RASGEF1B: variants seen among roughly 807,000 people sequenced by gnomAD.
RASGEF1B encodes the protein ras-GEF domain-containing family member 1B.
Under a neutral mutation model 65.7 loss-of-function variants are expected in RASGEF1B, and 30 were observed. The ratio of observed to expected loss-of-function variants is 0.46; its 90% CI spans 0.34 to 0.62. RASGEF1B has a LOEUF of 0.62. RASGEF1B is among the 20% of genes least tolerant of loss of function. The probability of loss-of-function intolerance (pLI) is 0.01; values close to 1 mark genes in which losing one functional copy is unlikely to be tolerated. For synonymous variants in RASGEF1B, 175 were observed against 194.8 expected (o/e 0.90, Z 0.85); for missense variants, 495 against 580.1 (o/e 0.85, Z 1.51).
rs777028980 is a variant in RASGEF1B, at chr4:81,442,284, C to G, written c.1008+13G>C. ...AAAGTGTTACTTAACAGCAAAACAT[C>G]AGCTTCACATACCTCAAGAATGTCA... is the stretch of plus-strand genomic sequence containing the variant. On this transcript the variant is annotated intron_variant, in intron 9 of 13. Transcript: ENST00000264400. 1 of 1,586,568 alleles carries G rather than the reference C, an allele frequency of 6.3e-7. No individual in the cohort carries two copies. Among genetic ancestry groups the G allele is most frequent in the Non-Finnish European group, 8.7e-7 (1 of 1,155,074 alleles).
Position 81,427,695 on chromosome 4 carries a change from C to T in RASGEF1B, c.*73G>A. ...TCATGAGTGTTCGTGGTACGAGATGCCAGAAAACAAAGGCCAGCCCCTCCA... is the reference window on the plus strand; with the variant it reads ...TCATGAGTGTTCGTGGTACGAGATGTCAGAAAACAAAGGCCAGCCCCTCCA... On this transcript the variant is annotated 3_prime_UTR_variant, in exon 14 of 14. Coordinates refer to ENST00000264400, the MANE Select transcript of RASGEF1B (RefSeq NM_152545.3). The T allele has an allele frequency of 6.3e-7, 1 of 1,579,642 alleles. No individual in the cohort carries two copies. The highest frequency in any genetic ancestry group is 1.1e-5 in the South Asian group (1 of 89,560).
chr4:81,436,341 G>A (rs1432470601), intron 10 of RASGEF1B, among the ~76,000 whole-genome samples: 1 of 152,136 alleles, frequency 6.6e-6, no homozygotes, highest in Non-Finnish European at 1.5e-5. Context: ...TGCATAATAT[G>A]TTTTGAGACA....
At chr4:81,466,774 G>A (rs199882491) in intron 1 of RASGEF1B, among the ~76,000 whole-genome samples, 21 of 72,412 alleles carry the variant, frequency 2.9e-4, no homozygotes, top group African/African-American at 1.1e-3. Context: ...AAAAAAAAAA[G>A]AAAGAAAGAA....
intron 4 of RASGEF1B, chr4:81,452,928 A>C (rs1722315215): frequency 6.6e-6 from 1 of 151,952 alleles, no homozygotes; most frequent in African/African-American, 2.4e-5. Context: ...ATTATGTAGA[A>C]CTGTCCTGGT....
chr4:81,448,740 T>G (rs1722137936), intron 4 of RASGEF1B, among the ~76,000 whole-genome samples: 1 of 152,194 alleles, frequency 6.6e-6, no homozygotes, highest in South Asian at 2.1e-4. Context: ...CCTATCAATC[T>G]CATCAGTCTG....
intron 1 of RASGEF1B, among the ~76,000 whole-genome samples, chr4:81,469,104 G>A (rs1165050237): frequency 6.6e-6 from 1 of 152,102 alleles, no homozygotes; most frequent in Non-Finnish European, 1.5e-5. Context: ...TGAGGGGGGT[G>A]GGCTGGCAAT....
chr4:81,445,164 T>A (rs559549654), intron 8 of RASGEF1B, among the ~76,000 whole-genome samples: 68 of 152,332 alleles, frequency 4.5e-4, no homozygotes, highest in African/African-American at 1.6e-3. Flanking sequence ...TAGGCCACTC[T>A]CTTGTCCAAG....
chr4:81,436,601 G>A (rs1339039576), intron 10 of RASGEF1B, among the ~76,000 whole-genome samples: 3 of 152,102 alleles, frequency 2.0e-5, no homozygotes, highest in South Asian at 2.1e-4. Context: ...TATTTTTAAA[G>A]ATCCTAAATT....
chr4:81,427,897 G>A (rs1049170492), intron 13 of RASGEF1B, 105 bp from the exon 14 acceptor site: 1 of 1,184,470 alleles, frequency 8.4e-7, no homozygotes, highest in Non-Finnish European at 1.2e-6. Flanking sequence ...TGTGTTTTAA[G>A]TTTGATTTTA....
Position 81,457,551 on chromosome 4 carries a change from A to G in RASGEF1B, c.248T>C (p.Val83Ala). Residue 83 changes from valine to alanine, a missense_variant, in exon 3 of 14, where the codon GTT becomes GCT. Coordinates refer to ENST00000264400, the MANE Select transcript of RASGEF1B (RefSeq NM_152545.3). Reference protein sequence around the residue: ...FMHPYELMAKVCHLCVEHQRL... With the variant: ...FMHPYELMAKACHLCVEHQRL... Reference sequence around the variant, plus strand: ...CTGGTGCTCAACACATAAGTGGCAAACTTTGGCCATTAGCTCATACGGATG... The same window carrying G: ...CTGGTGCTCAACACATAAGTGGCAAGCTTTGGCCATTAGCTCATACGGATG... The G allele has an allele frequency of 6.2e-7, 1 of 1,614,154 alleles. No homozygotes were observed. The highest frequency in any genetic ancestry group is 8.5e-7 in the Non-Finnish European group (1 of 1,180,012).
intron 9 of RASGEF1B, 62 bp downstream of exon 9, chr4:81,442,235 A>G: frequency 2.8e-6 from 3 of 1,089,452 alleles, no homozygotes; most frequent in Non-Finnish European, 4.3e-6. Context: ...AAGACCACAT[A>G]AAGGAATTCC....
At chr4:81,460,102 T>C (rs1722589225) in intron 1 of RASGEF1B, among the ~76,000 whole-genome samples, 1 of 152,252 alleles carries the variant, frequency 6.6e-6, no homozygotes, top group Admixed American at 6.5e-5. Context: ...AAAGATCAGA[T>C]GCTGTTGATT....
Position 81,466,769 on chromosome 4 carries a change from AAAAAGAAAGAAAG to A in RASGEF1B, c.-7+4988_-7+5000del, listed in dbSNP as rs1297530845. Reference sequence around the variant, plus strand: ...GCAAGCCTCCATGTCAAAAAAAAAAAAAAAGAAAGAAAGAAAGAAAGAAAGAAAGAAAGAAAGA... The same window carrying A: ...GCAAGCCTCCATGTCAAAAAAAAAAAAAAGAAAGAAAGAAAGAAAGAAAGA... On this transcript the variant is annotated intron_variant, in intron 1 of 13. Coordinates refer to ENST00000264400, the MANE Select transcript of RASGEF1B (RefSeq NM_152545.3). Among the ~76,000 whole-genome samples, 97 of 132,898 alleles carry A rather than the reference AAAAAGAAAGAAAG, an allele frequency of 7.3e-4. 1 individual carries two copies. Among genetic ancestry groups the A allele is most frequent in the East Asian group, 3.4e-3 (15 of 4,462 alleles). 87.2% of individuals were successfully genotyped at this position (132,898 alleles called of 152,430 possible).
At chr4:81,440,782 G>T (rs1721805294) in intron 10 of RASGEF1B, 52 bp downstream of exon 10, 1 of 1,206,474 alleles carries the variant, frequency 8.3e-7, no homozygotes, top group Non-Finnish European at 1.2e-6. Flanking sequence ...TAGCATTTCA[G>T]CATAAAACAC....
At chr4:81,435,417 CAAAAAAAA>C (rs754067756) in intron 10 of RASGEF1B, among the ~76,000 whole-genome samples, 129 of 55,386 alleles carry the variant, frequency 2.3e-3, no homozygotes, top group African/African-American at 7.5e-3. Flanking sequence ...GACTCCCTCT[CAAAAAAAA>C]AAAAAAAAAA....
intron 4 of RASGEF1B, chr4:81,453,094 T>C (rs1480961122): frequency 1.3e-5 from 2 of 152,152 alleles, no homozygotes; most frequent in Non-Finnish European, 2.9e-5. Context: ...TTTTTCCCTA[T>C]TCCAGTAATT....
chr4:81,445,689 T>A, intron 7 of RASGEF1B, 54 bp downstream of exon 7: 1 of 1,585,482 alleles, frequency 6.3e-7, no homozygotes, highest in Non-Finnish European at 8.7e-7. Flanking sequence ...AGTTCTAAAA[T>A]AAGTATGAAA....
At chr4:81,461,325 C>A (rs1268940406) in intron 1 of RASGEF1B, among the ~76,000 whole-genome samples, 1 of 152,148 alleles carries the variant, frequency 6.6e-6, no homozygotes, top group African/African-American at 2.4e-5. Flanking sequence ...TGAGAGAGAA[C>A]CCTTTGTCTG....
chr4:81,461,612 CATTTCATTTCA>C (rs1722647414), intron 1 of RASGEF1B, among the ~76,000 whole-genome samples: 1 of 152,206 alleles, frequency 6.6e-6, no homozygotes, highest in Non-Finnish European at 1.5e-5. Context: ...ATCTGGAAAA[CATTTCATTTCA>C]CTTTCCTTTC....
Sources: allele counts gnomAD v4.1 joint callset (sites outside exome capture counted in the v4.1 genomes callset), GRCh38; gene constraint gnomAD v4.1.1; transcripts MANE v1.5; gene names NCBI Gene and HGNC (gene_info 2026-07-23, HGNC 2026-07-21).